Variants in MTMR3 observed in about 807,000 individuals in gnomAD.
The protein encoded by MTMR3 is phosphatidylinositol-3,5-bisphosphate 3-phosphatase MTMR3.
MTMR3 carries 32 observed loss-of-function variants against 132.4 expected under a neutral mutation model. That is an observed-to-expected ratio of 0.24 (90% CI 0.18 to 0.32). The LOEUF is 0.32. Among genes scored for constraint, MTMR3 ranks in the 10% least tolerant of loss-of-function variants. The pLI is 1.00. For synonymous variants in MTMR3, 556 were observed against 550.3 expected, an observed-to-expected ratio of 1.01 and a Z score of -0.14; for missense variants, 1,216 against 1,489.6, an observed-to-expected ratio of 0.82 and a Z score of 3.02.
chr22:29,921,745 C>A (rs574329003), intron 1 of MTMR3, among the ~76,000 whole-genome samples: 1 of 152,218 alleles, frequency 6.6e-6, no homozygotes, highest in South Asian at 2.1e-4. Context: ...AATTTAACTA[C>A]CGTACATACC....
chr22:29,928,872 A>G (rs1428011546), intron 1 of MTMR3, among the ~76,000 whole-genome samples: 1 of 152,170 alleles, frequency 6.6e-6, no homozygotes, highest in Non-Finnish European at 1.5e-5. Flanking sequence ...GAAATATATC[A>G]AGGGAAGTAG....
At chr22:29,966,760 T>C (rs947306201) in intron 2 of MTMR3, among the ~76,000 whole-genome samples, 26 of 148,258 alleles carry the variant, frequency 1.8e-4, no homozygotes, top group South Asian at 1.3e-3. Context: ...TGTGTGTGTG[T>C]GTGTGTGTGT....
At chr22:29,909,498 C>T (rs2065165814) in intron 1 of MTMR3, among the ~76,000 whole-genome samples, 3 of 152,044 alleles carry the variant, frequency 2.0e-5, no homozygotes, top group Admixed American at 2.0e-4. Flanking sequence ...GGCAAGTTAC[C>T]TTATCTCTCT....
chr22:29,969,888 A>G (rs1427140329), intron 2 of MTMR3, among the ~76,000 whole-genome samples: 3 of 152,152 alleles, frequency 2.0e-5, no homozygotes, highest in Non-Finnish European at 2.9e-5. Flanking sequence ...ATGCCTCAAC[A>G]CAATCTGGGC....
chr22:30,026,437 A>G lies in MTMR3; in HGVS notation c.*636A>G, dbSNP rs539734867. On this transcript the variant is annotated 3_prime_UTR_variant, in exon 20 of 20. Coordinates refer to ENST00000401950, the MANE Select transcript of MTMR3 (RefSeq NM_021090.4). ...GCATCCCCTTAGGCGCCTCTTTGGG[A>G]AAGGAAAGTGGATGCTCCTTTGAGG... 1.4e-4 allele frequency: 22 copies of G among 152,506 alleles called. No individual in the cohort carries two copies. Among genetic ancestry groups the G allele is most frequent in the Admixed American group, 3.9e-4 (6 of 15,280 alleles). 9.4% of individuals were successfully genotyped at this position (152,506 alleles called of 1,614,324 possible).
chr22:30,019,558 C>T lies in MTMR3; in HGVS notation c.1899C>T (p.Ser633=), dbSNP rs373505454. The T allele has an allele frequency of 8.1e-6, 13 of 1,613,344 alleles. No individual in the cohort carries two copies. Among genetic ancestry groups the T allele is most frequent in the African/African-American group, 4.0e-5 (3 of 74,940 alleles). Residue 633 remains serine (S), a synonymous_variant, in exon 17 of 20, where the codon AGC becomes AGT. Coordinates refer to ENST00000401950, the MANE Select transcript of MTMR3 (RefSeq NM_021090.4). ...TGCCTCTGGCCAGCCGGCGCTGCAGCGACCCCAGCCTGAACGAGAAGTGGC... is the reference window on the plus strand; with the variant it reads ...TGCCTCTGGCCAGCCGGCGCTGCAGTGACCCCAGCCTGAACGAGAAGTGGC... ...NTVPLASRRC[S]DPSLNEKWQE...
At chr22:29,901,588 C>T (rs1602431784) in intron 1 of MTMR3, among the ~76,000 whole-genome samples, 2 of 152,324 alleles carry the variant, frequency 1.3e-5, no homozygotes, top group African/African-American at 4.8e-5. Flanking sequence ...ATGACCCTTT[C>T]TATAGTCAGC....
chr22:30,018,060 C>A lies in MTMR3; in HGVS notation c.1808C>A (p.Pro603His). 6.8e-6 allele frequency: 11 copies of A among 1,607,716 alleles called. No homozygotes were observed. Among genetic ancestry groups the A allele is most frequent in the Non-Finnish European group, 9.3e-6 (11 of 1,178,008 alleles). The change falls in exon 16 of 20, where the codon CCC becomes CAC. Residue 603 changes from proline (P) to histidine (H), a missense_variant. By Grantham distance (77) the Pro-to-His change is moderately conservative (BLOSUM62 -2). This residue lies in a region of MTMR3 where 852 missense variants were observed against 852.0 expected (regional missense o/e 1.00). Coordinates refer to ENST00000401950, the MANE Select transcript of MTMR3 (RefSeq NM_021090.4). ...GCCCCAGGCACCAGCCCTGATGATC[C>A]CCCCCTGAGCCGGTGAGCCCAGGGT... Reference protein sequence around the residue: ...YPAPGTSPDDPPLSRLPKTRS... With the variant: ...YPAPGTSPDDHPLSRLPKTRS...
chr22:29,894,398 C>T (rs1027790438), intron 1 of MTMR3, among the ~76,000 whole-genome samples: 4 of 151,910 alleles, frequency 2.6e-5, no homozygotes, highest in Non-Finnish European at 4.4e-5. Context: ...TAGTTTTTTT[C>T]TTCTTAATAA....
intron 17 of MTMR3, 43 bp downstream of exon 17, chr22:30,020,927 G>A (rs769878873): frequency 3.3e-6 from 5 of 1,511,988 alleles, no homozygotes; most frequent in Middle Eastern, 2.0e-4. Flanking sequence ...CCAAGGAGAC[G>A]GCATGCTGAG....
At chr22:30,024,530 T>C (rs145412052) in intron 19 of MTMR3, 3 of 152,348 alleles carry the variant, frequency 2.0e-5, no homozygotes, top group African/African-American at 7.2e-5. Flanking sequence ...CTTTTCCTTT[T>C]GTGGTATTCT....
chr22:29,884,164 T>A (rs1410511076), intron 1 of MTMR3, among the ~76,000 whole-genome samples: 1 of 152,208 alleles, frequency 6.6e-6, no homozygotes, highest in East Asian at 1.9e-4. Flanking sequence ...GGACTGCTAT[T>A]ACATATTGAT....
intron 2 of MTMR3, among the ~76,000 whole-genome samples, chr22:29,969,686 A>AGGTC (rs1445354969): frequency 1.1e-4 from 16 of 151,764 alleles, no homozygotes; most frequent in South Asian, 6.2e-4. Flanking sequence ...ACACACCCCC[A>AGGTC]TGCCCTGCTA....
chr22:29,927,744 C>G (rs2065545169), intron 1 of MTMR3, among the ~76,000 whole-genome samples: 1 of 149,322 alleles, frequency 6.7e-6, no homozygotes, highest in Non-Finnish European at 1.5e-5. Context: ...TGGATGGAGA[C>G]TCTTTAAGGG....
intron 9 of MTMR3, chr22:30,004,564 A>G (rs573259382): frequency 6.6e-6 from 1 of 152,308 alleles, no homozygotes; most frequent in South Asian, 2.1e-4. Flanking sequence ...TTCTAGAGAT[A>G]CAAGAGGATA....
chr22:29,911,190 G>A (rs1160392529), intron 1 of MTMR3, among the ~76,000 whole-genome samples: 1 of 152,098 alleles, frequency 6.6e-6, no homozygotes, highest in Admixed American at 6.6e-5. Flanking sequence ...TTGAGGCCCT[G>A]GTCCTGAAGT....
chr22:30,020,845 C>G lies in MTMR3; in HGVS notation c.3186C>G (p.Thr1062=). Residue 1062 remains threonine, a synonymous_variant, in exon 17 of 20, where the codon ACC becomes ACG. Transcript: ENST00000401950. ...LKSRLESQYL[T]SSLHFNGDFG... ...GTCGCCTGGAGAGCCAGTACCTGAC[C>G]AGCTCCCTACACTTTAATGGAGACT... 1 of 1,604,394 alleles carries G rather than the reference C, an allele frequency of 6.2e-7. No individual in the cohort carries two copies. Among genetic ancestry groups the G allele is most frequent in the Non-Finnish European group, 8.5e-7 (1 of 1,174,916 alleles).
chr22:29,939,958 C>T (rs556361075), intron 1 of MTMR3, among the ~76,000 whole-genome samples: 2 of 152,310 alleles, frequency 1.3e-5, no homozygotes, highest in East Asian at 1.9e-4. Context: ...CCCGCCCTTG[C>T]GATCATGTAC....
chr22:29,945,853 C>T (rs1375529679), intron 1 of MTMR3, among the ~76,000 whole-genome samples: 3 of 151,722 alleles, frequency 2.0e-5, no homozygotes. Flanking sequence ...ATTTTAAAAG[C>T]AGTCCCAACT....
Sources: gnomAD v4.1 joint callset for allele counts (sites outside exome capture counted in the v4.1 genomes callset) on GRCh38, gnomAD v4.1.1 for gene constraint, gnomAD v4.1.1 regional missense constraint, MANE v1.5 for transcripts, NCBI Gene and HGNC (gene_info 2026-07-23, HGNC 2026-07-21) for gene names.